TCF25: variants seen among roughly 807,000 people sequenced by gnomAD.
The protein encoded by TCF25 is TCF25 ribosome quality control complex subunit.
In TCF25, 41 loss-of-function variants were observed where a neutral mutation model predicts 83.1. The observed-to-expected ratio is 0.49, with a 90% confidence interval of 0.38 to 0.64. The LOEUF (loss-of-function observed/expected upper bound fraction) is 0.64. TCF25 is among the 30% of genes least tolerant of loss of function. TCF25 has a pLI of 0.00. For missense variants in TCF25, 979 were observed against 914.5 expected (o/e 1.07, Z -0.91); for synonymous variants, 458 against 365.0 (o/e 1.25, Z -2.90).
In TCF25 at chr16:89,900,712, A is replaced by C. The variant is rs1380342129; in HGVS notation, c.1299A>C (p.Thr433=). 2 of 1,606,950 alleles carry C rather than the reference A, an allele frequency of 1.2e-6. No individual in the cohort carries two copies. The highest frequency in any genetic ancestry group is 4.5e-5 in the East Asian group (2 of 44,640). The part of the protein sequence containing the change: ...PLAYFLLSQQ[T]DLPECEQSSA... ...CGTATTTCCTGCTGAGCCAGCAGAC[A>C]GACCTCCCTGAGTGTGAGCAGAGCT... The change falls in exon 12 of 18, where the codon ACA becomes ACC. Residue 433 remains threonine (T), a synonymous_variant. Coordinates refer to ENST00000263346, the MANE Select transcript of TCF25 (RefSeq NM_014972.3).
Position 89,887,635 on chromosome 16 carries a change from A to C in TCF25, c.549-17A>C. ...ACATAATTTCATGTTTTTTTTCTAC[A>C]ATTTTCAATTCCCCAGACACTTGAA... On this transcript the variant is annotated splice_polypyrimidine_tract_variant and intron_variant, in intron 4 of 17. Coordinates refer to ENST00000263346, the MANE Select transcript of TCF25 (RefSeq NM_014972.3). The C allele has an allele frequency of 2.5e-6, 4 of 1,571,674 alleles. No individual in the cohort carries two copies. The highest frequency in any genetic ancestry group is 2.6e-6 in the Non-Finnish European group (3 of 1,165,862).
chr16:89,878,587 C>T (rs2042368611), intron 1 of TCF25: 3 of 1,164,264 alleles, frequency 2.6e-6, no homozygotes, highest in Non-Finnish European at 3.2e-6. Context: ...GAAATGTTCC[C>T]CATTTGAGAC....
chr16:89,883,200 G>A, intron 1 of TCF25, 151 bp from the exon 2 acceptor site: 1 of 1,058,094 alleles, frequency 9.5e-7, no homozygotes, highest in Non-Finnish European at 1.3e-6. Context: ...GTGTCCAACA[G>A]TCTCGGGTTC....
At chr16:89,893,261 G>T (rs1006248475) in intron 6 of TCF25, among the ~76,000 whole-genome samples, 1 of 152,212 alleles carries the variant, frequency 6.6e-6, no homozygotes, top group Non-Finnish European at 1.5e-5. Context: ...TGAGAGGGTG[G>T]TCACACGTTA....
At chr16:89,887,108 A>G (rs1353048883) in intron 4 of TCF25, among the ~76,000 whole-genome samples, 1 of 151,832 alleles carries the variant, frequency 6.6e-6, no homozygotes, top group Non-Finnish European at 1.5e-5. Flanking sequence ...ATCATAGCCC[A>G]CTGCAGCCTC....
chr16:89,881,501 C>T (rs1044742871), intron 1 of TCF25, among the ~76,000 whole-genome samples: 7 of 149,750 alleles, frequency 4.7e-5, no homozygotes, highest in African/African-American at 1.0e-4. Context: ...GCTGGAGTGC[C>T]GTTGTGTGAT....
chr16:89,891,574 C>T (rs2043430466), intron 5 of TCF25, among the ~76,000 whole-genome samples: 1 of 152,308 alleles, frequency 6.6e-6, no homozygotes, highest in East Asian at 1.9e-4. Context: ...TTGGGGGTCT[C>T]TGCCACAGGG....
intron 1 of TCF25, chr16:89,878,414 C>T (rs183596644): frequency 0.025 from 30,197 of 1,224,046 alleles, 622 homozygotes; most frequent in South Asian, 0.085. Context: ...GGTGAAACTC[C>T]GTCTCTATTA....
Position 89,891,444 on chromosome 16 carries a change from G to C in TCF25, c.615-749G>C, listed in dbSNP as rs2144098353. On this transcript the variant is annotated intron_variant, in intron 5 of 17. Transcript: ENST00000263346. ...GGGCAGGGATGGCCCCGTGGGAAGGGAGCTGCACCGTGCTGATGGTGACCG... is the reference window on the plus strand; with the variant it reads ...GGGCAGGGATGGCCCCGTGGGAAGGCAGCTGCACCGTGCTGATGGTGACCG... Among the ~76,000 whole-genome samples the C allele has an allele frequency of 2.0e-5, 3 of 152,342 alleles. No homozygotes were observed. The South Asian group carries it at 6.2e-4, about 32-fold the overall frequency.
At chr16:89,903,259 C>T (rs903332883) in intron 12 of TCF25, among the ~76,000 whole-genome samples, 8 of 152,262 alleles carry the variant, frequency 5.3e-5, no homozygotes, top group African/African-American at 9.6e-5. Context: ...GCTCTGCCCT[C>T]GGGGCCCGTT....
At chr16:89,897,468 C>G (rs1326662576) in intron 9 of TCF25, among the ~76,000 whole-genome samples, 1 of 152,262 alleles carries the variant, frequency 6.6e-6, no homozygotes, top group African/African-American at 2.4e-5. Context: ...CTCCTACCCT[C>G]TCAGCCCTCC....
At chr16:89,882,746 C>G (rs2042703715) in intron 1 of TCF25, among the ~76,000 whole-genome samples, 1 of 152,168 alleles carries the variant, frequency 6.6e-6, no homozygotes, top group African/African-American at 2.4e-5. Context: ...GCCACTGTGC[C>G]TGGCTAATTT....
rs764302288 is a variant in TCF25 at position 89,885,986 on chromosome 16, C to CTGCGG, written c.548+21_548+25dup. ...GCACAGGTGTGGCCCCCGCCCTTCTCTGCGGCTGCCCTTCTCTGCGGCTGC... is the reference window on the plus strand; with the variant it reads ...GCACAGGTGTGGCCCCCGCCCTTCTCTGCGGTGCGGCTGCCCTTCTCTGCGGCTGC... On this transcript the variant is annotated intron_variant, in intron 4 of 17. Transcript: ENST00000263346. The CTGCGG allele has an allele frequency of 7.5e-6, 12 of 1,596,670 alleles. No individual in the cohort carries two copies. In the South Asian group the frequency reaches 1.3e-4, roughly 18 times the overall value.
intron 1 of TCF25, chr16:89,878,728 C>A: frequency 1.1e-6 from 1 of 889,888 alleles, no homozygotes; most frequent in Non-Finnish European, 1.4e-6. Context: ...GCAAGCTCTG[C>A]CTCCTGGATT....
chr16:89,880,641 C>T (rs1280312286), intron 1 of TCF25, among the ~76,000 whole-genome samples: 1 of 151,836 alleles, frequency 6.6e-6, no homozygotes, highest in Non-Finnish European at 1.5e-5. Context: ...GTAGTCCCAG[C>T]TCCTGGGGAG....
chr16:89,907,615 TCCCAGC>T, intron 16 of TCF25, among the ~76,000 whole-genome samples: 1 of 133,512 alleles, frequency 7.5e-6, no homozygotes, highest in African/African-American at 2.9e-5. Flanking sequence ...AGCTCCCACC[TCCCAGC>T]TCCCGCCTCC....
chr16:89,878,512 G>A (rs1341951385), intron 1 of TCF25: 3 of 1,235,238 alleles, frequency 2.4e-6, no homozygotes, highest in Admixed American at 3.1e-5. Context: ...CTCCTTCCTG[G>A]TTATTAACTG....
At chr16:89,908,357 C>G in intron 16 of TCF25, among the ~76,000 whole-genome samples, 1 of 149,272 alleles carries the variant, frequency 6.7e-6, no homozygotes, top group East Asian at 2.0e-4. Context: ...CTCCCAGCTC[C>G]CATCTTCCAG....
Position 89,883,490 on chromosome 16 carries a change from C to G in TCF25, c.332C>G (p.Thr111Ser). ...NTESKTDGDDTETVPSEQSHA... is the reference protein window; with the variant it reads ...NTESKTDGDDSETVPSEQSHA... ...GAGAGCAAGACGGATGGAGATGACA[C>G]CGAGACAGTGCCCTCAGAGCAGGTG... Residue 111 changes from threonine to serine, a missense_variant, in exon 2 of 18, where the codon ACC becomes AGC. Transcript: ENST00000263346. The G allele has an allele frequency of 1.9e-6, 3 of 1,610,138 alleles. No homozygotes were observed. The highest frequency in any genetic ancestry group is 2.2e-5 in the East Asian group (1 of 44,796).
Sources: allele counts gnomAD v4.1 joint callset (sites outside exome capture counted in the v4.1 genomes callset), GRCh38; gene constraint gnomAD v4.1.1; transcripts MANE v1.5; gene names NCBI Gene and HGNC (gene_info 2026-07-23, HGNC 2026-07-21).